ARL15: variants seen among roughly 807,000 people sequenced by gnomAD.
ARL15 encodes ARF like GTPase 15.
In ARL15, 19 loss-of-function variants were observed where a neutral mutation model predicts 25.2. That is an observed-to-expected ratio of 0.75 (90% CI 0.53 to 1.10). The LOEUF (loss-of-function observed/expected upper bound fraction) is 1.10, where lower values mean the gene tolerates loss of function less well. Among genes scored for constraint, ARL15 ranks in the 50% least tolerant of loss-of-function variants. The pLI, the probability that ARL15 is intolerant of heterozygous loss-of-function variation, is 0.00. For synonymous variants in ARL15, 94 were observed against 86.8 expected, an observed-to-expected ratio of 1.08 and a Z score of -0.46; for missense variants, 220 against 246.0, an observed-to-expected ratio of 0.89 and a Z score of 0.71.
At chr5:53,957,794 A>T (rs186284372) in intron 4 of ARL15, among the ~76,000 whole-genome samples, 5 of 152,306 alleles carry the variant, frequency 3.3e-5, no homozygotes, top group African/African-American at 1.2e-4. Flanking sequence ...ATTGCATTCC[A>T]GCCTGGGCAA....
intron 4 of ARL15, among the ~76,000 whole-genome samples, chr5:53,900,389 T>C (rs1745024810): frequency 6.6e-6 from 1 of 152,180 alleles, no homozygotes; most frequent in African/African-American, 2.4e-5. Context: ...AAATAATTAT[T>C]GTATAAATTA....
At chr5:54,244,512 TC>T (rs1757034722) in intron 1 of ARL15, among the ~76,000 whole-genome samples, 1 of 152,176 alleles carries the variant, frequency 6.6e-6, no homozygotes, top group Non-Finnish European at 1.5e-5. Context: ...CAAAAGTTTT[TC>T]TAAAACGGGA....
chr5:54,284,251 A>C (rs1366997842), intron 1 of ARL15, among the ~76,000 whole-genome samples: 1 of 152,142 alleles, frequency 6.6e-6, no homozygotes. Context: ...TTACAGGAGC[A>C]TGCCACCATG....
chr5:54,301,254 AT>A (rs909325411), intron 1 of ARL15, among the ~76,000 whole-genome samples: 1 of 151,298 alleles, frequency 6.6e-6, no homozygotes, highest in African/African-American at 2.4e-5. Context: ...TTCACTCAAC[AT>A]TTTTTTTTAG....
chr5:54,213,342 GACTA>G (rs1302044001), intron 1 of ARL15, among the ~76,000 whole-genome samples: 2 of 152,236 alleles, frequency 1.3e-5, no homozygotes, highest in South Asian at 4.2e-4. Flanking sequence ...CTAGCTAGAC[GACTA>G]ACTGAGGATG....
intron 4 of ARL15, among the ~76,000 whole-genome samples, chr5:54,085,430 T>C (rs754818262): frequency 6.6e-6 from 1 of 152,156 alleles, no homozygotes; most frequent in Non-Finnish European, 1.5e-5. Flanking sequence ...AATGCAGAAA[T>C]TGAGAATAAG....
intron 4 of ARL15, among the ~76,000 whole-genome samples, chr5:54,026,399 C>G (rs406517): frequency 0.71 from 108,081 of 151,978 alleles, 38,826 homozygotes; most frequent in East Asian, 0.84. Context: ...TTCCTGAGTA[C>G]CTGGGAATTA....
intron 4 of ARL15, among the ~76,000 whole-genome samples, chr5:54,089,356 G>A (rs1752065414): frequency 6.6e-6 from 1 of 151,952 alleles, no homozygotes; most frequent in South Asian, 2.1e-4. Flanking sequence ...CTATACAAGG[G>A]TGATTTAATA....
At chr5:54,131,495 C>T (rs921574650) in intron 3 of ARL15, among the ~76,000 whole-genome samples, 1 of 152,156 alleles carries the variant, frequency 6.6e-6, no homozygotes, top group African/African-American at 2.4e-5. Context: ...CTTCCTTTTA[C>T]TGTATTTGTA....
At chr5:53,982,585 T>C (rs929842888) in intron 4 of ARL15, among the ~76,000 whole-genome samples, 10 of 152,214 alleles carry the variant, frequency 6.6e-5, no homozygotes, top group South Asian at 2.1e-4. Context: ...CAGTCTATCA[T>C]TGATGGGCAT....
At chr5:54,013,451 C>T (rs951932602) in intron 4 of ARL15, among the ~76,000 whole-genome samples, 1 of 152,178 alleles carries the variant, frequency 6.6e-6, no homozygotes, top group African/African-American at 2.4e-5. Flanking sequence ...ATGCTAGTTG[C>T]TCCCTAAAAT....
chr5:54,309,832 C>T (rs1758850007), intron 1 of ARL15, among the ~76,000 whole-genome samples: 1 of 152,200 alleles, frequency 6.6e-6, no homozygotes, highest in African/African-American at 2.4e-5. Context: ...GCGGCACGCA[C>T]CCAAGACCGG....
chr5:54,067,755 T>A (rs555447444), intron 4 of ARL15, among the ~76,000 whole-genome samples: 5 of 152,306 alleles, frequency 3.3e-5, no homozygotes, highest in African/African-American at 9.6e-5. Flanking sequence ...GAGCACTCAA[T>A]AAATGTTAGG....
intron 4 of ARL15, among the ~76,000 whole-genome samples, chr5:53,986,626 C>T (rs956624652): frequency 5.3e-5 from 8 of 152,176 alleles, no homozygotes; most frequent in Middle Eastern, 3.2e-3. Flanking sequence ...ATGAGGAACA[C>T]GGAATTGCTA....
chr5:54,184,439 TAAAAAAAAAAAAAAAAAAAAA>T (rs527755025), intron 1 of ARL15, among the ~76,000 whole-genome samples: 1 of 69,110 alleles, frequency 1.4e-5, no homozygotes, highest in East Asian at 1.0e-3. Context: ...ACACTGTCTT[TAAAAAAAAAAAAAAAAAAAAA>T]AAAAAAAAAA....
intron 1 of ARL15, among the ~76,000 whole-genome samples, chr5:54,234,937 A>G (rs1756763907): frequency 6.6e-6 from 1 of 152,248 alleles, no homozygotes; most frequent in Non-Finnish European, 1.5e-5. Flanking sequence ...GTTTGAATGT[A>G]GTTCATAACT....
At chr5:54,302,278 T>C (rs1318819465) in intron 1 of ARL15, among the ~76,000 whole-genome samples, 2 of 152,226 alleles carry the variant, frequency 1.3e-5, no homozygotes, top group African/African-American at 4.8e-5. Context: ...CACCGAAGAA[T>C]GCTCATGGCC....
intron 4 of ARL15, among the ~76,000 whole-genome samples, chr5:54,062,486 T>C (rs1366650053): frequency 6.8e-6 from 1 of 147,800 alleles, no homozygotes; most frequent in East Asian, 2.0e-4. Context: ...CTTGTGATAG[T>C]GAATGAGACT....
intron 1 of ARL15, among the ~76,000 whole-genome samples, chr5:54,182,632 G>A (rs1220594319): frequency 6.7e-6 from 1 of 148,986 alleles, no homozygotes; most frequent in African/African-American, 2.5e-5. Context: ...GGCGATGCGG[G>A]CTCTTTTTTG....
Sources: allele counts gnomAD v4.1 joint callset (sites outside exome capture counted in the v4.1 genomes callset), GRCh38; gene constraint gnomAD v4.1.1; transcripts MANE v1.5; gene names NCBI Gene and HGNC (gene_info 2026-07-23, HGNC 2026-07-21).